The following SRCIN1 variants were observed in gnomAD, a reference collection of about 807,000 sequenced individuals.
SRCIN1 encodes the protein SRC kinase signaling inhibitor 1.
SRCIN1 carries 50 observed loss-of-function variants against 116.2 expected under a neutral mutation model. That is an observed-to-expected ratio of 0.43 (90% confidence interval 0.34 to 0.54). The LOEUF (loss-of-function observed/expected upper bound fraction) is 0.54. SRCIN1 is among the 20% of genes least tolerant of loss of function. The pLI is 0.02. For missense variants in SRCIN1, 1,446 were observed against 1,672.0 expected, an observed-to-expected ratio of 0.86 and a Z score of 2.36; for synonymous variants, 736 against 750.0, an observed-to-expected ratio of 0.98 and a Z score of 0.30.
At chr17:38,601,943 G>A (rs1183342368) in intron 1 of SRCIN1, among the ~76,000 whole-genome samples, 2 of 152,074 alleles carry the variant, frequency 1.3e-5, no homozygotes, top group Non-Finnish European at 2.9e-5. Flanking sequence ...CAGCAGGAAG[G>A]GCAGCGCAGG....
At chr17:38,583,901 G>C (rs1907964796) in intron 1 of SRCIN1, among the ~76,000 whole-genome samples, 1 of 152,220 alleles carries the variant, frequency 6.6e-6, no homozygotes, top group African/African-American at 2.4e-5. Context: ...CGATGGGCTT[G>C]TAGCAGCCTG....
intron 15 of SRCIN1, among the ~76,000 whole-genome samples, chr17:38,550,767 C>T (rs1905341397): frequency 6.6e-6 from 1 of 152,226 alleles, no homozygotes; most frequent in Non-Finnish European, 1.5e-5. Context: ...TTCTGCCACT[C>T]CCGGGACCGT....
chr17:38,544,077 C>A lies in SRCIN1; in HGVS notation c.3271-108G>T, dbSNP rs1904926142. ...GGGGCTGGGACCTCCTCAGTGGGGCCCTTTGAGACCTGGAGACCCCTCTCT... is the reference window on the plus strand; with the variant it reads ...GGGGCTGGGACCTCCTCAGTGGGGCACTTTGAGACCTGGAGACCCCTCTCT... On this transcript the variant is annotated intron_variant, in intron 17 of 18. Coordinates refer to ENST00000617146, the MANE Select transcript of SRCIN1 (RefSeq NM_025248.3). This position sits in a 1 kb window ranked among gnomAD's most constrained non-coding sequence, Gnocchi z 4.5. 7.5e-7 allele frequency: 1 copy of A among 1,338,148 alleles called. No homozygotes were observed. The highest frequency in any genetic ancestry group is 1.0e-6 in the Non-Finnish European group (1 of 1,003,752). 82.9% of individuals were successfully genotyped at this position (1,338,148 alleles called of 1,614,324 possible).
Position 38,552,355 on chromosome 17 carries a change from T to C in SRCIN1, c.2480+92A>G, listed in dbSNP as rs1905480912. 1.8e-5 allele frequency: 26 copies of C among 1,483,600 alleles called. No individual in the cohort carries two copies. The highest frequency in any genetic ancestry group is 1.9e-5 in the Non-Finnish European group (21 of 1,114,076). The allele number at this position is 1,483,600 out of a possible 1,614,324, so 91.9% of individuals were successfully genotyped here. On this transcript the variant is annotated intron_variant, in intron 13 of 18. Transcript: ENST00000617146. The surrounding 1 kb of genome is among the most constrained non-coding windows in gnomAD (Gnocchi z 5.3). ...AGTCCAGTCGGCACGCCAGTGACCT[T>C]TGGGGGAGTTGGGGTAAGGGTTCAG...
chr17:38,569,207 C>T (rs1906915826), intron 2 of SRCIN1, among the ~76,000 whole-genome samples: 1 of 152,210 alleles, frequency 6.6e-6, no homozygotes, highest in South Asian at 2.1e-4. Flanking sequence ...GTCACCCTTC[C>T]TTCCCTAGAG....
chr17:38,593,669 AT>A (rs533974960), intron 1 of SRCIN1, among the ~76,000 whole-genome samples: 1 of 152,200 alleles, frequency 6.6e-6, no homozygotes, highest in Non-Finnish European at 1.5e-5. Context: ...GAAGCACCCA[AT>A]AAATACTGGC....
intron 1 of SRCIN1, among the ~76,000 whole-genome samples, chr17:38,596,850 C>A (rs962073384): frequency 2.6e-5 from 4 of 152,212 alleles, no homozygotes; most frequent in South Asian, 2.1e-4. Context: ...AACCCTCAAC[C>A]TGCCATGGCA....
chr17:38,567,976 C>A (rs967754182), intron 3 of SRCIN1, among the ~76,000 whole-genome samples: 3 of 152,184 alleles, frequency 2.0e-5, no homozygotes, highest in Non-Finnish European at 4.4e-5. Context: ...CATCTCTAGC[C>A]CAGATCCCCA....
chr17:38,565,759 G>A (rs1858482551), intron 3 of SRCIN1, among the ~76,000 whole-genome samples: 1 of 152,218 alleles, frequency 6.6e-6, no homozygotes, highest in African/African-American at 2.4e-5. Flanking sequence ...TGGCCTTGAG[G>A]GTTTGGGGAC....
At chr17:38,541,069 C>T (rs1213248860) in intron 18 of SRCIN1, among the ~76,000 whole-genome samples, 5 of 151,808 alleles carry the variant, frequency 3.3e-5, no homozygotes, top group African/African-American at 1.2e-4. Flanking sequence ...GAAACCCCAT[C>T]TCTACTAAAA....
rs1200656847 is a variant in SRCIN1 at position 38,551,384 on chromosome 17, T to G, written c.2733A>C (p.Ala911=). 1 of 1,607,938 alleles carries G rather than the reference T, an allele frequency of 6.2e-7. No homozygotes were observed. Among genetic ancestry groups the G allele is most frequent in the Non-Finnish European group, 8.5e-7 (1 of 1,176,976 alleles). ...SVDKAVSVEA[A]ERDWEEKRAA... Reference sequence around the variant, plus strand: ...CCCGCTTCTCCTCCCAGTCTCGCTCTGCAGCCTTAACAGGGAGCCAGGAGT... The same window carrying G: ...CCCGCTTCTCCTCCCAGTCTCGCTCGGCAGCCTTAACAGGGAGCCAGGAGT... Residue 911 remains alanine, a synonymous_variant, in exon 15 of 19, where the codon GCA becomes GCC. Coordinates refer to ENST00000617146, the MANE Select transcript of SRCIN1 (RefSeq NM_025248.3).
At chr17:38,547,477 A>G (rs1013771777) in intron 17 of SRCIN1, among the ~76,000 whole-genome samples, 2 of 152,154 alleles carry the variant, frequency 1.3e-5, no homozygotes, top group Non-Finnish European at 1.5e-5. Flanking sequence ...GGCCTCCATC[A>G]GCAAGCCCGT....
intron 1 of SRCIN1, among the ~76,000 whole-genome samples, chr17:38,591,672 C>T (rs545621142): frequency 7.9e-5 from 12 of 152,222 alleles, no homozygotes; most frequent in Non-Finnish European, 1.5e-4. Context: ...CTCAGGCCTC[C>T]CCCAGCCTCA....
chr17:38,564,140 G>T lies in SRCIN1; in HGVS notation c.519C>A (p.Ser173Arg). Residue 173 changes from serine (S) to arginine (R), a missense_variant, in exon 4 of 19, where the codon AGC becomes AGA. By Grantham distance (110) the Ser-to-Arg change is moderately radical. Around this residue, in one of 5 missense-constraint regions of SRCIN1, gnomAD observed 246 missense variants for 265.1 expected, o/e 0.93. Coordinates refer to ENST00000617146, the MANE Select transcript of SRCIN1 (RefSeq NM_025248.3). ...RQSLPLSRSA[S>R]QTKLRSPGVL... ...TACCTGGGGAGCGCAGCTTGGTCTG[G>T]CTGGCCGAGCGGGAGAGAGGCAGGC... The T allele has an allele frequency of 6.2e-7, 1 of 1,600,366 alleles. No individual in the cohort carries two copies.
At position 38,539,774 on chromosome 17, in the gene SRCIN1, A is replaced by C. The variant is rs144029661; in HGVS notation, c.3417+4049T>G. 7.3e-3 allele frequency among the ~76,000 whole-genome samples: 1,113 copies of C among 152,118 alleles called. 12 individuals carry two copies. Among genetic ancestry groups the C allele is most frequent in the African/African-American group, 0.025 (1,056 of 41,490 alleles). On this transcript the variant is annotated intron_variant, in intron 18 of 18. Coordinates refer to ENST00000617146, the MANE Select transcript of SRCIN1 (RefSeq NM_025248.3). ...GGGGCCGGACGCAATGGCTCCCAGCACTTTGGGAGGCTGAGGCAGGCGGAT... is the reference window on the plus strand; with the variant it reads ...GGGGCCGGACGCAATGGCTCCCAGCCCTTTGGGAGGCTGAGGCAGGCGGAT...
intron 1 of SRCIN1, among the ~76,000 whole-genome samples, chr17:38,587,634 C>A (rs1017585908): frequency 1.3e-5 from 2 of 152,180 alleles, no homozygotes; most frequent in Non-Finnish European, 2.9e-5. Context: ...CAGAAAGCAG[C>A]TGCCTGGGGA....
In SRCIN1 at chr17:38,533,304, G is replaced by A; in HGVS notation, c.3545C>T (p.Ser1182Phe). ...CAGCGGGGTGAGGGGCTTCTAGAAGGAGATGGAAGAATTCCTTGCCCCAAA... is the reference window on the plus strand; with the variant it reads ...CAGCGGGGTGAGGGGCTTCTAGAAGAAGATGGAAGAATTCCTTGCCCCAAA... ...TSFGARNSSI[S>F]F is the part of the protein sequence containing the mutation. Residue 1182 changes from serine to phenylalanine, a missense_variant, in exon 19 of 19, where the codon TCC (serine) becomes TTC (phenylalanine). By Grantham distance (155) the Ser-to-Phe change is radical. Around this residue, in one of 5 missense-constraint regions of SRCIN1, gnomAD observed 531 missense variants for 633.9 expected, o/e 0.84. Transcript: ENST00000617146. The A allele has an allele frequency of 6.4e-7, 1 of 1,561,738 alleles. No homozygotes were observed. The highest frequency in any genetic ancestry group is 8.7e-7 in the Non-Finnish European group (1 of 1,151,030).
chr17:38,561,646 C>G lies in SRCIN1; in HGVS notation c.1517G>C (p.Arg506Pro). 6.4e-7 allele frequency: 1 copy of G among 1,567,678 alleles called. No individual in the cohort carries two copies. Among genetic ancestry groups the G allele is most frequent in the East Asian group, 2.4e-5 (1 of 41,960 alleles). The change falls in exon 7 of 19, where the codon CGC (arginine) becomes CCC (proline). Residue 506 changes from arginine (R) to proline (P), a missense_variant. Physicochemically the swap from Arg to Pro is moderately radical, Grantham distance 103. Transcript: ENST00000617146. ...SGPPSRGSPV[R>P]QSFRKDSGSS... ...GCCCGAGTCCTTGCGGAAGGACTGG[C>G]GCACTGGCGAGCCGCGGCTGGGCGG...
rs2040946883 is a variant in SRCIN1, at chr17:38,533,112, ACAAAAC to A, written c.*179_*184del. On this transcript the variant is annotated 3_prime_UTR_variant, in exon 19 of 19. Transcript: ENST00000617146. ...TTAATTGTTAAAAAAAAAAAAAAAA[ACAAAAC>A]CAAAAACACCAACAGATGATGGGTA... 2.1e-6 allele frequency: 1 copy of A among 476,462 alleles called. No homozygotes were observed. Among genetic ancestry groups the A allele is most frequent in the South Asian group, 9.5e-5 (1 of 10,472 alleles). The allele number at this position is 476,462 out of a possible 1,614,324, so 29.5% of individuals were successfully genotyped here. A position where few individuals can be genotyped will look rare whatever the true frequency, so the allele number is the denominator to read the frequency against.
Sources: allele counts gnomAD v4.1 joint callset (sites outside exome capture counted in the v4.1 genomes callset), GRCh38; gene constraint gnomAD v4.1.1; regional missense constraint gnomAD v4.1.1; non-coding constraint Gnocchi (gnomAD v3.1); transcripts MANE v1.5; gene names NCBI Gene and HGNC (gene_info 2026-07-23, HGNC 2026-07-21).